Variants in SLIT3 observed in about 807,000 individuals in gnomAD.
SLIT3 encodes the protein slit guidance ligand 3.
A neutral mutation model predicts 184.0 loss-of-function variants in SLIT3; 68 were observed. That is an observed-to-expected ratio of 0.37 (90% CI 0.30 to 0.45). SLIT3 has a LOEUF of 0.45. Ranked by LOEUF, SLIT3 falls within the 20% of genes least tolerant of loss-of-function variation. The pLI is 1.00. For synonymous variants in SLIT3, 831 were observed against 828.6 expected (o/e 1.00, Z -0.05); for missense variants, 1,707 against 2,026.0 (o/e 0.84, Z 3.02).
intron 4 of SLIT3, among the ~76,000 whole-genome samples, chr5:168,965,009 C>G (rs1763137089): frequency 6.6e-6 from 1 of 152,170 alleles, no homozygotes; most frequent in Admixed American, 6.5e-5. Flanking sequence ...GGGCACATCT[C>G]TAAGGAAGCA....
At chr5:169,130,387 CTGAGATAACAG>C (rs1441850581) in intron 4 of SLIT3, among the ~76,000 whole-genome samples, 1 of 152,226 alleles carries the variant, frequency 6.6e-6, no homozygotes, top group Non-Finnish European at 1.5e-5. Flanking sequence ...GTAGAAAGAG[CTGAGATAACAG>C]TGAGATGATC....
intron 3 of SLIT3, among the ~76,000 whole-genome samples, chr5:169,214,013 G>A (rs1764355072): frequency 6.6e-6 from 1 of 152,184 alleles, no homozygotes; most frequent in African/African-American, 2.4e-5. Context: ...TCCACTTGGT[G>A]GTGAGAGCTA....
At chr5:169,255,678 T>G (rs1581107266) in intron 1 of SLIT3, among the ~76,000 whole-genome samples, 1 of 152,214 alleles carries the variant, frequency 6.6e-6, no homozygotes, top group East Asian at 1.9e-4. Flanking sequence ...GGTCAAGAGA[T>G]CGAGACCATC....
At chr5:168,859,727 G>C (rs1009804085) in intron 5 of SLIT3, among the ~76,000 whole-genome samples, 2 of 152,138 alleles carry the variant, frequency 1.3e-5, no homozygotes, top group African/African-American at 4.8e-5. Context: ...GACGGCATTT[G>C]CTATTTTATG....
chr5:168,828,468 C>CA (rs1757772182), intron 6 of SLIT3, among the ~76,000 whole-genome samples: 2 of 151,020 alleles, frequency 1.3e-5, no homozygotes, highest in African/African-American at 2.4e-5. Context: ...CTGTCTCTAC[C>CA]AAAAAAATGA....
intron 20 of SLIT3, among the ~76,000 whole-genome samples, chr5:168,728,917 CA>C (rs61422376): frequency 0.2 from 26,086 of 128,758 alleles, 2,436 homozygotes; most frequent in Non-Finnish European, 0.24. Context: ...GACTCTGTCT[CA>C]AAAAAAAACC....
rs573651965 is a variant in SLIT3, at chr5:169,084,989, TCAA to T, written c.413+108487_413+108489del. Among the ~76,000 whole-genome samples the T allele has an allele frequency of 1.3e-3, 199 of 152,290 alleles. 1 individual carries two copies. The highest frequency in any genetic ancestry group is 4.2e-3 in the East Asian group (22 of 5,182). On this transcript the variant is annotated intron_variant, in intron 4 of 35. Coordinates refer to ENST00000519560, the MANE Select transcript of SLIT3 (RefSeq NM_003062.4). The stretch of plus-strand genomic sequence containing the variant: ...CAGCAGGAGTGTCTAATCCCTGCTA[TCAA>T]CAACAACAACCTACAGCTATAAACG...
intron 5 of SLIT3, among the ~76,000 whole-genome samples, chr5:168,868,099 C>A (rs1759373254): frequency 6.6e-6 from 1 of 152,120 alleles, no homozygotes; most frequent in South Asian, 2.1e-4. Context: ...CCAAGACTAC[C>A]AAACCAAACC....
intron 4 of SLIT3, among the ~76,000 whole-genome samples, chr5:168,928,190 C>A (rs777191445): frequency 1.1e-4 from 16 of 152,156 alleles, no homozygotes; most frequent in Admixed American, 5.9e-4. Flanking sequence ...TCAGGATTTG[C>A]GTCGTATTTA....
At chr5:169,149,882 T>C (rs1762055933) in intron 4 of SLIT3, among the ~76,000 whole-genome samples, 1 of 152,216 alleles carries the variant, frequency 6.6e-6, no homozygotes, top group Non-Finnish European at 1.5e-5. Context: ...CCCTCTACTT[T>C]TGTTGACTTC....
chr5:168,869,268 G>A (rs1759425248), intron 5 of SLIT3, among the ~76,000 whole-genome samples: 1 of 152,222 alleles, frequency 6.6e-6, no homozygotes, highest in Admixed American at 6.5e-5. Context: ...GCATAGCAGA[G>A]TGGTTCAGGT....
intron 4 of SLIT3, among the ~76,000 whole-genome samples, chr5:169,015,524 A>T (rs1466041719): frequency 2.0e-5 from 3 of 152,226 alleles, no homozygotes; most frequent in African/African-American, 7.2e-5. Context: ...TAGCTGTGTA[A>T]CTTTGCACAA....
chr5:168,712,907 TG>T (rs1276537918), intron 23 of SLIT3: 32 of 154,854 alleles, frequency 2.1e-4, no homozygotes, highest in African/African-American at 7.7e-4. Flanking sequence ...GTCATGGGTG[TG>T]TTAATCCACG....
intron 4 of SLIT3, among the ~76,000 whole-genome samples, chr5:168,978,243 C>A (rs530633000): frequency 6.6e-6 from 1 of 152,238 alleles, no homozygotes; most frequent in Non-Finnish European, 1.5e-5. Flanking sequence ...CATGTGCAGA[C>A]AATTGGAGGA....
At chr5:168,758,756 GC>G (rs1235219509) in intron 16 of SLIT3, among the ~76,000 whole-genome samples, 6 of 152,182 alleles carry the variant, frequency 3.9e-5, no homozygotes, top group African/African-American at 1.4e-4. Flanking sequence ...GGCCTAGAAG[GC>G]CTCTGTCATA....
intron 4 of SLIT3, among the ~76,000 whole-genome samples, chr5:169,106,109 C>T (rs1313286819): frequency 2.6e-5 from 4 of 152,022 alleles, no homozygotes; most frequent in African/African-American, 7.3e-5. Context: ...TGGCTTAATA[C>T]CTAGGTGATG....
rs768517290 is a variant in SLIT3, at chr5:168,774,381, G to A, written c.1152-3C>T. 1.9e-5 allele frequency: 30 copies of A among 1,608,434 alleles called. No individual in the cohort carries two copies. The African/African-American group carries it at 3.3e-4, about 18-fold the overall frequency. On this transcript the variant is annotated splice_region_variant and splice_polypyrimidine_tract_variant and intron_variant, in intron 12 of 35. Coordinates refer to ENST00000519560, the MANE Select transcript of SLIT3 (RefSeq NM_003062.4). ...TGATCTTGTTGGCATTGAGGAGGCTGCAAACAGAAGAGAGCCTGGTTGATT... is the reference window on the plus strand; with the variant it reads ...TGATCTTGTTGGCATTGAGGAGGCTACAAACAGAAGAGAGCCTGGTTGATT...
intron 4 of SLIT3, among the ~76,000 whole-genome samples, chr5:168,964,647 C>T (rs760506426): frequency 9.2e-5 from 14 of 152,180 alleles, no homozygotes; most frequent in South Asian, 2.1e-4. Context: ...TTTCAGCCTT[C>T]GGGTCACCTA....
chr5:168,973,973 ATACGGGT>A (rs1467027693), intron 4 of SLIT3, among the ~76,000 whole-genome samples: 2 of 152,234 alleles, frequency 1.3e-5, no homozygotes, highest in African/African-American at 4.8e-5. Context: ...CTCATGAAAA[ATACGGGT>A]AACTAGAAAA....
Sources: allele counts gnomAD v4.1 joint callset (sites outside exome capture counted in the v4.1 genomes callset), GRCh38; gene constraint gnomAD v4.1.1; transcripts MANE v1.5; gene names NCBI Gene and HGNC (gene_info 2026-07-23, HGNC 2026-07-21).